BRINP2: variants seen among roughly 807,000 people sequenced by gnomAD.
The protein encoded by BRINP2 is BMP/retinoic acid inducible neural specific 2, also known as BMP/retinoic acid-inducible neural-specific protein 2.
A neutral mutation model predicts 69.2 loss-of-function variants in BRINP2; 21 were observed. The ratio of observed to expected loss-of-function variants is 0.30; its 90% CI spans 0.22 to 0.44. BRINP2 has a LOEUF of 0.44. BRINP2 is among the 20% of genes least tolerant of loss of function. BRINP2 has a pLI of 1.00. For missense variants in BRINP2, 877 were observed against 986.0 expected (o/e 0.89, Z 1.48); for synonymous variants, 380 against 394.1 (o/e 0.96, Z 0.42).
intron 1 of BRINP2, among the ~76,000 whole-genome samples, chr1:177,192,128 A>G (rs1008120005): frequency 6.6e-6 from 1 of 152,246 alleles, no homozygotes. Flanking sequence ...GATTATTCCA[A>G]TAATTGCTCT....
intron 7 of BRINP2, among the ~76,000 whole-genome samples, chr1:177,279,018 A>G (rs1440700657): frequency 1.3e-5 from 2 of 152,224 alleles, no homozygotes; most frequent in African/African-American, 2.4e-5. Flanking sequence ...TAGTTGATTC[A>G]AATGTTATTC....
intron 4 of BRINP2, among the ~76,000 whole-genome samples, chr1:177,262,857 G>C (rs895756874): frequency 6.6e-5 from 10 of 152,204 alleles, no homozygotes; most frequent in African/African-American, 2.4e-4. Flanking sequence ...GATAAACACA[G>C]TAGATTTCTG....
chr1:177,226,982 A>C (rs998783440), intron 1 of BRINP2, among the ~76,000 whole-genome samples: 3 of 152,220 alleles, frequency 2.0e-5, no homozygotes, highest in Non-Finnish European at 1.5e-5. Flanking sequence ...GGTATTGCTC[A>C]AGGTTATTCA....
At chr1:177,192,706 A>G (rs1648627734) in intron 1 of BRINP2, among the ~76,000 whole-genome samples, 1 of 152,238 alleles carries the variant, frequency 6.6e-6, no homozygotes, top group African/African-American at 2.4e-5. Flanking sequence ...AAATGAAGAA[A>G]TGTAACTCTC....
intron 1 of BRINP2, among the ~76,000 whole-genome samples, chr1:177,215,290 A>G (rs1315028802): frequency 6.6e-6 from 1 of 152,192 alleles, no homozygotes; most frequent in East Asian, 1.9e-4. Context: ...TCTATGAAAA[A>G]TGACATTGGG....
chr1:177,248,151 T>C (rs900341429), intron 2 of BRINP2, among the ~76,000 whole-genome samples: 1 of 152,198 alleles, frequency 6.6e-6, no homozygotes, highest in Non-Finnish European at 1.5e-5. Flanking sequence ...ACCACCCACA[T>C]TGTAGGCTAC....
chr1:177,212,032 C>A (rs1341607887), intron 1 of BRINP2, among the ~76,000 whole-genome samples: 1 of 151,748 alleles, frequency 6.6e-6, no homozygotes, highest in South Asian at 2.1e-4. Flanking sequence ...ACCTACCTAC[C>A]TATGTGCCAT....
At chr1:177,209,055 TGTGTG>T (rs1649149910) in intron 1 of BRINP2, among the ~76,000 whole-genome samples, 1 of 151,976 alleles carries the variant, frequency 6.6e-6, no homozygotes, top group Admixed American at 6.6e-5. Context: ...GGCAGGGCCC[TGTGTG>T]TGACCGCATG....
chr1:177,247,720 T>C (rs569098332), intron 2 of BRINP2, among the ~76,000 whole-genome samples: 1 of 152,362 alleles, frequency 6.6e-6, no homozygotes, highest in African/African-American at 2.4e-5. Flanking sequence ...CCACTCCTTC[T>C]GTCATTGCTT....
intron 1 of BRINP2, among the ~76,000 whole-genome samples, chr1:177,200,545 T>C (rs1648881339): frequency 6.6e-6 from 1 of 151,984 alleles, no homozygotes; most frequent in Non-Finnish European, 1.5e-5. Context: ...TAAAGCAGGC[T>C]CCTCCTACCT....
intron 2 of BRINP2, among the ~76,000 whole-genome samples, chr1:177,246,997 C>A (rs1281959613): frequency 6.6e-6 from 1 of 152,178 alleles, no homozygotes. Context: ...GTGAAACTAT[C>A]ATAGCTGAGT....
intron 1 of BRINP2, among the ~76,000 whole-genome samples, chr1:177,181,840 C>CG (rs1648261649): frequency 6.6e-6 from 1 of 152,148 alleles, no homozygotes; most frequent in Non-Finnish European, 1.5e-5. Flanking sequence ...CCGGAAGCCT[C>CG]GGGTCACTAG....
chr1:177,214,210 T>C (rs1258398774), intron 1 of BRINP2, among the ~76,000 whole-genome samples: 1 of 152,110 alleles, frequency 6.6e-6, no homozygotes. Flanking sequence ...GGTGGGTGGA[T>C]CATCTGAGGT....
In BRINP2 at chr1:177,257,172, A is replaced by G. The variant is rs1281886154; in HGVS notation, c.461-4A>G. 1.4e-5 allele frequency: 22 copies of G among 1,613,884 alleles called. No homozygotes were observed. The highest frequency in any genetic ancestry group is 1.6e-4 in the Middle Eastern group (1 of 6,082). On this transcript the variant is annotated splice_polypyrimidine_tract_variant and splice_region_variant and intron_variant, in intron 3 of 7. Coordinates refer to ENST00000361539, the MANE Select transcript of BRINP2 (RefSeq NM_021165.4). ...CACCAATACACTCGTGTTGTTCACCATAGGAGAAGAGTCCCTGACCATTTT... is the reference window on the plus strand; with the variant it reads ...CACCAATACACTCGTGTTGTTCACCGTAGGAGAAGAGTCCCTGACCATTTT...
At chr1:177,274,971 TC>T (rs750199493) in intron 5 of BRINP2, among the ~76,000 whole-genome samples, 22 of 152,342 alleles carry the variant, frequency 1.4e-4, no homozygotes, top group East Asian at 7.7e-4. Context: ...TTCTCTGGTT[TC>T]CTGCCAAGGA....
Position 177,276,433 on chromosome 1 carries a change from A to G in BRINP2, c.1011A>G (p.Ser337=). ...CTCACAACCGGCAGTTTGAAGAGTC[A>G]GGTGAGCAGCCAGAATTCCTCCCTG... ...WATHNRQFEE[S]EEFQALLKRL... is the part of the protein sequence containing the mutation. Residue 337 remains serine, a splice_region_variant and synonymous_variant, in exon 6 of 8, where the codon TCA becomes TCG. Transcript: ENST00000361539. The G allele has an allele frequency of 6.2e-7, 1 of 1,613,718 alleles. No individual in the cohort carries two copies. The highest frequency in any genetic ancestry group is 8.5e-7 in the Non-Finnish European group (1 of 1,179,726).
At chr1:177,178,325 C>A (rs1648147185) in intron 1 of BRINP2, among the ~76,000 whole-genome samples, 1 of 152,162 alleles carries the variant, frequency 6.6e-6, no homozygotes, top group Admixed American at 6.5e-5. Flanking sequence ...GTCAAAATAA[C>A]AATTGCTTAG....
At chr1:177,240,396 A>G (rs1267950361) in intron 2 of BRINP2, among the ~76,000 whole-genome samples, 2 of 152,236 alleles carry the variant, frequency 1.3e-5, no homozygotes, top group East Asian at 1.9e-4. Flanking sequence ...TGATCATTAC[A>G]TGCTGCATAC....
rs558022486 is a variant in BRINP2 at position 177,230,037 on chromosome 1, C to T, written c.161C>T (p.Pro54Leu). The change falls in exon 2 of 8, where the codon CCC (proline) becomes CTC (leucine). Residue 54 changes from proline (P) to leucine (L), a missense_variant. Physicochemically the swap from Pro to Leu is moderately conservative, Grantham distance 98 (BLOSUM62 -3). Coordinates refer to ENST00000361539, the MANE Select transcript of BRINP2 (RefSeq NM_021165.4). The part of the protein sequence containing the change: ...EQHASVAGQH[P>L]LDWLLTDRGP... ...CATGCCTCCGTAGCTGGCCAGCATCCCCTGGACTGGCTGCTCACAGACCGG... is the reference window on the plus strand; with the variant it reads ...CATGCCTCCGTAGCTGGCCAGCATCTCCTGGACTGGCTGCTCACAGACCGG... The T allele has an allele frequency of 6.2e-7, 1 of 1,613,794 alleles. No individual in the cohort carries two copies. Among genetic ancestry groups the T allele is most frequent in the South Asian group, 1.1e-5 (1 of 91,062 alleles).
Sources: gnomAD v4.1 joint callset for allele counts (sites outside exome capture counted in the v4.1 genomes callset) on GRCh38, gnomAD v4.1.1 for gene constraint, MANE v1.5 for transcripts, NCBI Gene and HGNC (gene_info 2026-07-23, HGNC 2026-07-21) for gene names.